The following TFDP1 variants were observed in gnomAD, a reference collection of about 807,000 sequenced individuals.
TFDP1 encodes the protein DRTF1-polypeptide 1.
A neutral mutation model predicts 48.0 loss-of-function variants in TFDP1; 6 were observed. The observed-to-expected ratio is 0.13, with a 90% CI of 0.07 to 0.25. The LOEUF is 0.25. Ranked by LOEUF, TFDP1 falls within the 10% of genes least tolerant of loss-of-function variation. The probability of loss-of-function intolerance (pLI) is 1.00; values close to 1 mark genes in which losing one functional copy is unlikely to be tolerated. For synonymous variants in TFDP1, 201 were observed against 211.6 expected (o/e 0.95, Z 0.44); for missense variants, 335 against 543.0 (o/e 0.62, Z 3.81).
At chr13:113,613,111 G>A (rs903119120) in intron 3 of TFDP1, among the ~76,000 whole-genome samples, 1 of 152,186 alleles carries the variant, frequency 6.6e-6, no homozygotes, top group African/African-American at 2.4e-5. Flanking sequence ...CTGCCTCCCG[G>A]ATTCAAGCGA....
chr13:113,628,172 A>G (rs1007470534), intron 4 of TFDP1, among the ~76,000 whole-genome samples: 11 of 143,454 alleles, frequency 7.7e-5, no homozygotes, highest in African/African-American at 2.7e-4. Flanking sequence ...ACTGTGTCTG[A>G]AGCCGTGTAA....
At position 113,598,361 on chromosome 13, in the gene TFDP1, C is replaced by CTT. The variant is rs1228989216; in HGVS notation, c.12+12514_12+12515dup. On this transcript the variant is annotated intron_variant, in intron 2 of 11. Transcript: ENST00000375370. The surrounding 1 kb of genome is among the most constrained non-coding windows in gnomAD (Gnocchi z 4.2). ...GGTGTTTTTCTGCTGGAAAAGCAGG[C>CTT]TTTAGAGTGGTGGCTGAAAGTCTCA... Among the ~76,000 whole-genome samples, 1 of 152,168 alleles carries CTT rather than the reference C, an allele frequency of 6.6e-6. No individual in the cohort carries two copies. The highest frequency in any genetic ancestry group is 1.5e-5 in the Non-Finnish European group (1 of 68,042).
At chr13:113,604,362 A>AGG (rs1408765587) in intron 2 of TFDP1, among the ~76,000 whole-genome samples, 1 of 152,156 alleles carries the variant, frequency 6.6e-6, no homozygotes, top group Non-Finnish European at 1.5e-5. Context: ...CTTCATATTA[A>AGG]AAAACCACAG....
intron 2 of TFDP1, among the ~76,000 whole-genome samples, chr13:113,596,023 A>C (rs1258748318): frequency 1.3e-5 from 2 of 152,208 alleles, no homozygotes; most frequent in East Asian, 3.9e-4. Context: ...CGGAGCTTGC[A>C]GTGAGCCAAG....
In TFDP1 at chr13:113,613,691, G is replaced by C. The variant is rs1312669067; in HGVS notation, c.79+2629G>C. 2.2e-3 allele frequency among the ~76,000 whole-genome samples: 324 copies of C among 148,816 alleles called. 1 individual carries two copies. The highest frequency in any genetic ancestry group is 7.8e-3 in the African/African-American group (308 of 39,706). On this transcript the variant is annotated intron_variant, in intron 3 of 11. Transcript: ENST00000375370. ...AGTGTGTGTGTGCATGAGTGTGTGTGTGTATGCGTGAATGCGTGGGTATGT... is the reference window on the plus strand; with the variant it reads ...AGTGTGTGTGTGCATGAGTGTGTGTCTGTATGCGTGAATGCGTGGGTATGT...
At chr13:113,589,068 G>A (rs185447089) in intron 2 of TFDP1, among the ~76,000 whole-genome samples, 12 of 152,198 alleles carry the variant, frequency 7.9e-5, no homozygotes, top group African/African-American at 2.9e-4. Context: ...AGTGGGTGAT[G>A]TAGGGTCACA....
chr13:113,633,798 G>T lies in TFDP1; in HGVS notation c.475-92G>T, dbSNP rs1034143517. ...TTGGGGTGGCGGCTCCGTGAGCGGG[G>T]TGCCCCTTTGAGCCAGTGCCCATGG... On this transcript the variant is annotated intron_variant, in intron 6 of 11. Transcript: ENST00000375370. This position sits in a 1 kb window ranked among gnomAD's most constrained non-coding sequence, Gnocchi z 4.5. 1.9e-5 allele frequency: 28 copies of T among 1,467,106 alleles called. No individual in the cohort carries two copies. The highest frequency in any genetic ancestry group is 2.5e-5 in the Non-Finnish European group (27 of 1,086,682). The allele number at this position is 1,467,106 out of a possible 1,614,324, so 90.9% of individuals were successfully genotyped here. A position where few individuals can be genotyped will look rare whatever the true frequency, so the allele number is the denominator to read the frequency against.
At chr13:113,595,887 C>T (rs1594415470) in intron 2 of TFDP1, among the ~76,000 whole-genome samples, 2 of 152,184 alleles carry the variant, frequency 1.3e-5, no homozygotes, top group South Asian at 2.1e-4. Context: ...TCGAGACCAT[C>T]CTGGCTAACA....
At chr13:113,595,083 C>T (rs1334852317) in intron 2 of TFDP1, among the ~76,000 whole-genome samples, 2 of 152,020 alleles carry the variant, frequency 1.3e-5, no homozygotes, top group Non-Finnish European at 2.9e-5. Context: ...TTTTTTCTAC[C>T]ATGTTTTCAG....
chr13:113,636,460 G>A (rs927811479), intron 9 of TFDP1, 74 bp from the exon 10 acceptor site: 25 of 1,541,230 alleles, frequency 1.6e-5, no homozygotes, highest in East Asian at 4.5e-5. Context: ...CGGGTCAGCC[G>A]TCCTGGCTCC....
chr13:113,626,250 G>A (rs1398922970), intron 4 of TFDP1, among the ~76,000 whole-genome samples: 1 of 152,152 alleles, frequency 6.6e-6, no homozygotes, highest in East Asian at 1.9e-4. Flanking sequence ...GTTGTCTAGG[G>A]CATCTCCCTT....
At chr13:113,631,893 G>A (rs1566673510) in intron 5 of TFDP1, 149 bp downstream of exon 5, 3 of 1,172,586 alleles carry the variant, frequency 2.6e-6, no homozygotes, top group South Asian at 1.6e-5. Context: ...ACCCATCATC[G>A]TGGCCTGCAC....
At chr13:113,596,931 C>T (rs1200554695) in intron 2 of TFDP1, among the ~76,000 whole-genome samples, 1 of 152,190 alleles carries the variant, frequency 6.6e-6, no homozygotes, top group African/African-American at 2.4e-5. Context: ...CGCGTCCCCT[C>T]GCCCCAGCCT....
At chr13:113,589,531 CTT>C (rs966465739) in intron 2 of TFDP1, among the ~76,000 whole-genome samples, 2 of 152,236 alleles carry the variant, frequency 1.3e-5, no homozygotes, top group African/African-American at 2.4e-5. Flanking sequence ...CGTACAGACT[CTT>C]TGAGTTTCTG....
intron 11 of TFDP1, 47 bp downstream of exon 11, chr13:113,637,943 C>T (rs369771717): frequency 2.4e-5 from 38 of 1,598,026 alleles, no homozygotes; most frequent in East Asian, 1.1e-4. Context: ...GGGCCTCCCC[C>T]GGGGTCCAGG....
chr13:113,632,283 A>G (rs746129878), intron 5 of TFDP1, among the ~76,000 whole-genome samples: 2 of 152,250 alleles, frequency 1.3e-5, no homozygotes, highest in Non-Finnish European at 2.9e-5. Flanking sequence ...TTCACCAGCT[A>G]GGAACCTCAG....
At chr13:113,621,467 A>G (rs534768630) in intron 3 of TFDP1, among the ~76,000 whole-genome samples, 228 of 152,334 alleles carry the variant, frequency 1.5e-3, no homozygotes, top group African/African-American at 5.3e-3. Flanking sequence ...CCAGATATAG[A>G]TCTTAGATAT....
At chr13:113,586,439 T>G (rs2048005908) in intron 2 of TFDP1, among the ~76,000 whole-genome samples, 1 of 152,162 alleles carries the variant, frequency 6.6e-6, no homozygotes, top group Non-Finnish European at 1.5e-5. Context: ...TATAGAATAT[T>G]TTGAAAATTT....
In TFDP1 at chr13:113,584,842, C is replaced by G. The variant is rs1284195454; in HGVS notation, c.-111C>G. The stretch of plus-strand genomic sequence containing the variant: ...CTCCGCGCCGCCCCGCGCTCCGCAC[C>G]GCGCCCTCTCCGCGTCCCCGCCCGC... On this transcript the variant is annotated 5_prime_UTR_variant, in exon 1 of 12. Transcript: ENST00000375370. 3.4e-5 allele frequency: 5 copies of G among 146,370 alleles called. No individual in the cohort carries two copies. The highest frequency in any genetic ancestry group is 2.1e-4 in the South Asian group (1 of 4,836). 9.1% of individuals were successfully genotyped at this position (146,370 alleles called of 1,614,324 possible). A position where few individuals can be genotyped will look rare whatever the true frequency, so the allele number is the denominator to read the frequency against.
Sources: allele counts gnomAD v4.1 joint callset (sites outside exome capture counted in the v4.1 genomes callset), GRCh38; gene constraint gnomAD v4.1.1; non-coding constraint Gnocchi (gnomAD v3.1); transcripts MANE v1.5; gene names NCBI Gene and HGNC (gene_info 2026-07-23, HGNC 2026-07-21).